The following RPL36 variants were observed in gnomAD, a reference collection of about 807,000 sequenced individuals.
The protein encoded by RPL36 is large ribosomal subunit protein eL36.
For synonymous variants in RPL36, 74 were observed against 56.0 expected (o/e 1.32, Z -1.44); for missense variants, 131 against 144.9 (o/e 0.90, Z 0.49).
At position 5,690,474 on chromosome 19, in the gene RPL36, C is replaced by T. The variant is rs200368171; in HGVS notation, c.-2-32C>T. 1.0e-5 allele frequency: 15 copies of T among 1,507,184 alleles called. No homozygotes were observed. In the Admixed American group the frequency reaches 1.2e-4, roughly 12 times the overall value. 93.4% of individuals were successfully genotyped at this position (1,507,184 alleles called of 1,614,324 possible). On this transcript the variant is annotated intron_variant, in intron 1 of 3. Transcript: ENST00000347512. ...GCCTCGGGAACTGAGCCGGTACTCA[C>T]CTCCGCCCCTTCTCCCCGTCGCTGT...
At chr19:5,690,631 G>C in intron 2 of RPL36, 31 bp downstream of exon 2, 1 of 1,523,294 alleles carries the variant, frequency 6.6e-7, no homozygotes, top group African/African-American at 1.4e-5. Context: ...GAGGTTGTCG[G>C]GGGTTTCTTG....
chr19:5,691,686 T>C lies in RPL36; in HGVS notation c.*65T>C, dbSNP rs2054823377. 1.3e-6 allele frequency: 2 copies of C among 1,501,246 alleles called. No individual in the cohort carries two copies. Among genetic ancestry groups the C allele is most frequent in the Admixed American group, 3.9e-5 (2 of 51,108 alleles). The allele number at this position is 1,501,246 out of a possible 1,614,324, so 93.0% of individuals were successfully genotyped here. On this transcript the variant is annotated 3_prime_UTR_variant, in exon 4 of 4. Coordinates refer to ENST00000347512, the MANE Select transcript of RPL36 (RefSeq NM_033643.3). Reference sequence around the variant, plus strand: ...GACAGAAGCCCTGGCTCTCCTGCTGTCCGTGGGTGGGTGTGGGTGTGTCGG... The same window carrying C: ...GACAGAAGCCCTGGCTCTCCTGCTGCCCGTGGGTGGGTGTGGGTGTGTCGG...
At chr19:5,690,481 C>A (rs1261421615) in intron 1 of RPL36, 25 bp from the exon 2 acceptor site, 1 of 1,528,678 alleles carries the variant, frequency 6.5e-7, no homozygotes, top group Non-Finnish European at 8.9e-7. Flanking sequence ...TCACCTCCGC[C>A]CCTTCTCCCC....
In RPL36 at chr19:5,691,525, C is replaced by G; in HGVS notation, c.229-7C>G. On this transcript the variant is annotated splice_region_variant and splice_polypyrimidine_tract_variant and intron_variant, in intron 3 of 3. Transcript: ENST00000347512. Reference sequence around the variant, plus strand: ...GGCCGGGCTGACGGCGGCCTCGTCCCTGGCAGGTGGGGACGCACATCCGCG... The same window carrying G: ...GGCCGGGCTGACGGCGGCCTCGTCCGTGGCAGGTGGGGACGCACATCCGCG... 1 of 1,608,354 alleles carries G rather than the reference C, an allele frequency of 6.2e-7. No homozygotes were observed.
chr19:5,690,681 G>C (rs1285633524), intron 2 of RPL36, 81 bp downstream of exon 2: 14 of 1,155,576 alleles, frequency 1.2e-5, no homozygotes, highest in Non-Finnish European at 1.0e-5. Flanking sequence ...CTCTCGACCT[G>C]AAAGAACGCG....
At chr19:5,690,478 C>T (rs199582837) in intron 1 of RPL36, 28 bp from the exon 2 acceptor site, 21 of 1,518,560 alleles carry the variant, frequency 1.4e-5, no homozygotes, top group Admixed American at 5.9e-5. Flanking sequence ...TACTCACCTC[C>T]GCCCCTTCTC....
In RPL36 at chr19:5,691,692, G is replaced by GGTGGGT. The variant is rs1323022694; in HGVS notation, c.*81_*86dup. The GGTGGGT allele has an allele frequency of 2.2e-5, 32 of 1,455,350 alleles. No homozygotes were observed. Among genetic ancestry groups the GGTGGGT allele is most frequent in the Middle Eastern group, 2.4e-4 (1 of 4,206 alleles). The allele number at this position is 1,455,350 out of a possible 1,614,324, so 90.2% of individuals were successfully genotyped here. On this transcript the variant is annotated 3_prime_UTR_variant, in exon 4 of 4. Coordinates refer to ENST00000347512, the MANE Select transcript of RPL36 (RefSeq NM_033643.3). ...AGCCCTGGCTCTCCTGCTGTCCGTGGGTGGGTGTGGGTGTGTCGGGGGCCC... is the reference window on the plus strand; with the variant it reads ...AGCCCTGGCTCTCCTGCTGTCCGTGGGTGGGTGTGGGTGTGGGTGTGTCGGGGGCCC...
Position 5,691,820 on chromosome 19 carries a change from T to G in RPL36, c.*199T>G, listed in dbSNP as rs1482494940. ...CGCCCACCCTTCCCGGGGCAGCAGGTGAGGAAGCCGCCGTACTGCAAATGA... is the reference window on the plus strand; with the variant it reads ...CGCCCACCCTTCCCGGGGCAGCAGGGGAGGAAGCCGCCGTACTGCAAATGA... On this transcript the variant is annotated 3_prime_UTR_variant, in exon 4 of 4. Coordinates refer to ENST00000347512, the MANE Select transcript of RPL36 (RefSeq NM_033643.3). 1.1e-5 allele frequency: 9 copies of G among 799,400 alleles called. No homozygotes were observed. Among genetic ancestry groups the G allele is most frequent in the East Asian group, 2.7e-5 (1 of 37,404 alleles). 49.5% of individuals were successfully genotyped at this position (799,400 alleles called of 1,614,324 possible).
At chr19:5,691,095 G>A (rs2054811542) in intron 2 of RPL36, 1 of 634,224 alleles carries the variant, frequency 1.6e-6, no homozygotes, top group Non-Finnish European at 2.8e-6. Context: ...TCAGCAGGCA[G>A]CCCAGACTCC....
rs577883811 is a variant in RPL36 at position 5,691,725 on chromosome 19, CCT to C, written c.*105_*106del. On this transcript the variant is annotated 3_prime_UTR_variant, in exon 4 of 4. Transcript: ENST00000347512. ...TGGGTGTGTCGGGGGCCCGCAGTCC[CCT>C]GTCTGGTGCCCGCTCTGAGCCACAC... 3.9e-3 allele frequency: 4,830 copies of C among 1,227,012 alleles called. 30 individuals are homozygous for C. Among genetic ancestry groups the C allele is most frequent in the South Asian group, 0.014 (1,055 of 77,446 alleles). 76.0% of individuals were successfully genotyped at this position (1,227,012 alleles called of 1,614,324 possible).
intron 2 of RPL36, 65 bp downstream of exon 2, chr19:5,690,665 C>A: frequency 7.6e-7 from 1 of 1,310,708 alleles, no homozygotes; most frequent in Non-Finnish European, 1.1e-6. Flanking sequence ...ATGGCTTGGG[C>A]AAAGGCTCTC....
chr19:5,691,494 AG>A, intron 3 of RPL36, 37 bp from the exon 4 acceptor site: 1 of 1,607,720 alleles, frequency 6.2e-7, no homozygotes, highest in East Asian at 2.2e-5. Flanking sequence ...GTGGGATGGG[AG>A]TCAGGGCCGG....
chr19:5,690,870 C>T (rs745591200), intron 2 of RPL36: 10 of 569,290 alleles, frequency 1.8e-5, no homozygotes, highest in Non-Finnish European at 3.2e-5. Context: ...GGTTCTGACG[C>T]AGGAGTAGGA....
At chr19:5,690,377 G>A in intron 1 of RPL36, 50 bp downstream of exon 1, 1 of 739,446 alleles carries the variant, frequency 1.4e-6, no homozygotes, top group South Asian at 1.5e-5. Flanking sequence ...GGACTCCCGG[G>A]TCCTCTGTGC....
At chr19:5,690,730 G>A in intron 2 of RPL36, 130 bp downstream of exon 2, 1 of 754,952 alleles carries the variant, frequency 1.3e-6, no homozygotes, top group Admixed American at 2.1e-5. Context: ...GAATGGAAGA[G>A]ATGGGGTGGG....
At chr19:5,690,969 G>A (rs2054809828) in intron 2 of RPL36, 1 of 531,000 alleles carries the variant, frequency 1.9e-6, no homozygotes, top group Non-Finnish European at 3.4e-6. Context: ...TATTAAGCGG[G>A]CAGCGGGTTT....
At chr19:5,691,225 G>T in intron 2 of RPL36, 94 bp from the exon 3 acceptor site, 2 of 1,576,300 alleles carry the variant, frequency 1.3e-6, no homozygotes, top group South Asian at 2.2e-5. Context: ...CAGAGGGGAG[G>T]AAGTAGCCAG....
chr19:5,690,731 A>G, intron 2 of RPL36, 131 bp downstream of exon 2: 1 of 712,212 alleles, frequency 1.4e-6, no homozygotes, highest in Non-Finnish European at 2.4e-6. Context: ...AATGGAAGAG[A>G]TGGGGTGGGG....
chr19:5,691,787 C>T lies in RPL36; in HGVS notation c.*166C>T, dbSNP rs1256944949. ...GTGCTGCCTGGTCGTGAATCAAAAG[C>T]CGTGGCCCGCCCACCCTTCCCGGGG... On this transcript the variant is annotated 3_prime_UTR_variant, in exon 4 of 4. Transcript: ENST00000347512. The T allele has an allele frequency of 1.1e-6, 1 of 891,736 alleles. No individual in the cohort carries two copies. The highest frequency in any genetic ancestry group is 2.6e-5 in the East Asian group (1 of 37,750). 55.2% of individuals were successfully genotyped at this position (891,736 alleles called of 1,614,324 possible).
Sources: gnomAD v4.1 joint callset for allele counts on GRCh38, gnomAD v4.1.1 for gene constraint, MANE v1.5 for transcripts, NCBI Gene and HGNC (gene_info 2026-07-23, HGNC 2026-07-21) for gene names.